The following VPS54 variants were observed in gnomAD, a reference collection of about 807,000 sequenced individuals.
The protein encoded by VPS54 is VPS54 subunit of GARP complex.
VPS54 carries 45 observed loss-of-function variants against 121.5 expected under a neutral mutation model. The ratio of observed to expected loss-of-function variants is 0.37; its 90% CI spans 0.29 to 0.47. The LOEUF (loss-of-function observed/expected upper bound fraction) is 0.47. Ranked by LOEUF, VPS54 falls within the 20% of genes least tolerant of loss-of-function variation. The pLI, the probability that VPS54 is intolerant of heterozygous loss-of-function variation, is 0.99. For missense variants in VPS54, 1,090 were observed against 1,131.4 expected, an observed-to-expected ratio of 0.96 and a Z score of 0.52; for synonymous variants, 371 against 385.8, an observed-to-expected ratio of 0.96 and a Z score of 0.45.
Position 63,981,760 on chromosome 2 carries a change from G to A in VPS54, c.264C>T (p.Asp88=). The change falls in exon 3 of 23, where the codon GAC becomes GAT. Residue 88 remains aspartate (D), a synonymous_variant. Transcript: ENST00000272322. The stretch of plus-strand genomic sequence containing the variant: ...CCAATCCCCATGTTTTTGTGAAGAA[G>A]TCAGATTCTCTTTTTGCTAATCTAG... ...NDPRLAKRES[D]FFTKTWGLDF... 1 of 1,613,738 alleles carries A rather than the reference G, an allele frequency of 6.2e-7. No individual in the cohort carries two copies. Among genetic ancestry groups the A allele is most frequent in the East Asian group, 2.2e-5 (1 of 44,796 alleles).
At chr2:63,963,361 C>T (rs1675854584) in intron 6 of VPS54, among the ~76,000 whole-genome samples, 1 of 151,944 alleles carries the variant, frequency 6.6e-6, no homozygotes, top group South Asian at 2.1e-4. Flanking sequence ...CTTGTTTTGC[C>T]TTTTCTTCCT....
chr2:63,960,563 C>A (rs1455719617), intron 7 of VPS54, among the ~76,000 whole-genome samples: 1 of 152,184 alleles, frequency 6.6e-6, no homozygotes, highest in Non-Finnish European at 1.5e-5. Context: ...GCCAAGGCGG[C>A]ATTCAATCTT....
At chr2:63,922,153 A>T (rs142453121) in intron 12 of VPS54, among the ~76,000 whole-genome samples, 1 of 152,350 alleles carries the variant, frequency 6.6e-6, no homozygotes, top group African/African-American at 2.4e-5. Flanking sequence ...AAACTCAAAG[A>T]GGAGTATTTA....
chr2:64,001,956 CCTTTT>C (rs1392748998), intron 1 of VPS54, among the ~76,000 whole-genome samples: 1 of 152,148 alleles, frequency 6.6e-6, no homozygotes, highest in Non-Finnish European at 1.5e-5. Context: ...GCTTACACTG[CCTTTT>C]ATTTAGGACC....
intron 18 of VPS54, 48 bp downstream of exon 18, chr2:63,913,175 C>T (rs191793589): frequency 8.9e-5 from 128 of 1,433,234 alleles, no homozygotes; most frequent in African/African-American, 8.7e-4. Context: ...AGAACAGTGA[C>T]ATCACTGTTA....
rs199507206 is a variant in VPS54 at position 63,981,856 on chromosome 2, A to G, written c.168T>C (p.Ser56=). ...GDSHSLYVAP[S]LVTDQHRWTV... Reference sequence around the variant, plus strand: ...TCCATCTATGTTGATCTGTAACTAGAGATGGGGCAACATATAAACTATGTG... The same window carrying G: ...TCCATCTATGTTGATCTGTAACTAGGGATGGGGCAACATATAAACTATGTG... Residue 56 remains serine (S), a synonymous_variant, in exon 3 of 23, where the codon TCT becomes TCC. Coordinates refer to ENST00000272322, the MANE Select transcript of VPS54 (RefSeq NM_016516.3). 1 of 1,613,410 alleles carries G rather than the reference A, an allele frequency of 6.2e-7. No individual in the cohort carries two copies. Among genetic ancestry groups the G allele is most frequent in the Admixed American group, 1.7e-5 (1 of 60,010 alleles).
chr2:63,897,430 TAATC>T (rs988392990), intron 22 of VPS54, 62 bp downstream of exon 22: 20 of 1,142,358 alleles, frequency 1.8e-5, no homozygotes, highest in African/African-American at 4.8e-5. Flanking sequence ...ATGGCACAAA[TAATC>T]AAAACTGATC....
At chr2:63,975,209 C>T in intron 3 of VPS54, 1 of 545,546 alleles carries the variant, frequency 1.8e-6, no homozygotes. Context: ...ATAACTGAGA[C>T]AGTGAAAGAG....
At chr2:64,014,815 G>C (rs1023449462) in intron 1 of VPS54, among the ~76,000 whole-genome samples, 5 of 152,126 alleles carry the variant, frequency 3.3e-5, no homozygotes, top group Non-Finnish European at 7.4e-5. Context: ...TGAGAAAACT[G>C]AGGCTCAGAA....
Position 63,893,313 on chromosome 2 carries a change from C to T in VPS54, c.*117G>A. ...ACTTGATACTTTCCTTTTTCCCTTC[C>T]CCCACCCCAGTTCACTTTGGGTTTC... On this transcript the variant is annotated 3_prime_UTR_variant, in exon 23 of 23. Coordinates refer to ENST00000272322, the MANE Select transcript of VPS54 (RefSeq NM_016516.3). 1.1e-6 allele frequency: 1 copy of T among 900,074 alleles called. No homozygotes were observed. The highest frequency in any genetic ancestry group is 1.9e-6 in the Non-Finnish European group (1 of 532,124). 55.8% of individuals were successfully genotyped at this position (900,074 alleles called of 1,614,324 possible).
rs1674893332 is a variant in VPS54 at position 63,944,641 on chromosome 2, TTTA to T, written c.1257_1259del (p.Asn419del). 1 of 1,609,560 alleles carries T rather than the reference TTTA, an allele frequency of 6.2e-7. No homozygotes were observed. The highest frequency in any genetic ancestry group is 1.3e-5 in the African/African-American group (1 of 74,780). On this transcript the variant is annotated inframe_deletion, in exon 10 of 23. Coordinates refer to ENST00000272322, the MANE Select transcript of VPS54 (RefSeq NM_016516.3). ...TGTCTATTTCTTCTGTTTGTGAAACTTTATTAATCACACACTGCAAAATTTAAG... is the reference window on the plus strand; with the variant it reads ...TGTCTATTTCTTCTGTTTGTGAAACTTTAATCACACACTGCAAAATTTAAG...
At position 63,893,138 on chromosome 2, in the gene VPS54, C is replaced by CT; in HGVS notation, c.*291dup. 2.2e-6 allele frequency: 1 copy of CT among 453,756 alleles called. No individual in the cohort carries two copies. Among genetic ancestry groups the CT allele is most frequent in the South Asian group, 2.2e-5 (1 of 46,054 alleles). The allele number at this position is 453,756 out of a possible 1,614,324, so 28.1% of individuals were successfully genotyped here. A position where few individuals can be genotyped will look rare whatever the true frequency, so the allele number is the denominator to read the frequency against. ...CTAGTCAACTACAGCTGTGTTACAG[C>CT]TATGTGTTCTTTTGGATTTGGTCCA... On this transcript the variant is annotated 3_prime_UTR_variant, in exon 23 of 23. Coordinates refer to ENST00000272322, the MANE Select transcript of VPS54 (RefSeq NM_016516.3).
At chr2:63,937,857 G>A (rs1674521353) in intron 11 of VPS54, among the ~76,000 whole-genome samples, 1 of 152,110 alleles carries the variant, frequency 6.6e-6, no homozygotes, top group South Asian at 2.1e-4. Flanking sequence ...CTACAACACA[G>A]ATGGCACCTT....
chr2:63,892,284 A>C lies in VPS54; in HGVS notation c.*1146T>G, dbSNP rs1367614249. On this transcript the variant is annotated 3_prime_UTR_variant, in exon 23 of 23. Coordinates refer to ENST00000272322, the MANE Select transcript of VPS54 (RefSeq NM_016516.3). Reference sequence around the variant, plus strand: ...AAAATAAGACTGTTTCATTATACATAATCACCACAGGATATTAGGCACTCT... The same window carrying C: ...AAAATAAGACTGTTTCATTATACATCATCACCACAGGATATTAGGCACTCT... The C allele has an allele frequency of 6.6e-6, 1 of 152,210 alleles. No homozygotes were observed. Among genetic ancestry groups the C allele is most frequent in the African/African-American group, 2.4e-5 (1 of 41,470 alleles). The allele number at this position is 152,210 out of a possible 1,614,324, so 9.4% of individuals were successfully genotyped here.
Position 63,904,151 on chromosome 2 carries a change from T to A in VPS54, c.2626-4570A>T, listed in dbSNP as rs553099053. 2.6e-3 allele frequency among the ~76,000 whole-genome samples: 398 copies of A among 152,216 alleles called. 1 individual carries two copies. The highest frequency in any genetic ancestry group is 0.01 in the Middle Eastern group (3 of 294). ...GGAACATAACCAGCCATAAAAAGGA[T>A]ATCACAGGCCGGACGTGGTGGCTCA... On this transcript the variant is annotated intron_variant, in intron 20 of 22. Coordinates refer to ENST00000272322, the MANE Select transcript of VPS54 (RefSeq NM_016516.3).
At chr2:64,003,948 A>G (rs982812901) in intron 1 of VPS54, among the ~76,000 whole-genome samples, 1 of 152,170 alleles carries the variant, frequency 6.6e-6, no homozygotes, top group Admixed American at 6.5e-5. Context: ...CTTTGAAAGA[A>G]TATGTAACTC....
chr2:63,928,713 G>A (rs1674037510), intron 12 of VPS54, among the ~76,000 whole-genome samples: 1 of 151,748 alleles, frequency 6.6e-6, no homozygotes, highest in African/African-American at 2.4e-5. Flanking sequence ...ACACAGACTG[G>A]CAAACTGGAT....
intron 7 of VPS54, among the ~76,000 whole-genome samples, chr2:63,951,423 A>G (rs1311589386): frequency 5.3e-5 from 8 of 152,138 alleles, no homozygotes; most frequent in Admixed American, 2.6e-4. Context: ...TGCAAAAACT[A>G]TAAGAGATCA....
chr2:63,949,427 A>G (rs1675136568), intron 7 of VPS54, among the ~76,000 whole-genome samples: 1 of 152,214 alleles, frequency 6.6e-6, no homozygotes, highest in African/African-American at 2.4e-5. Context: ...AAATCTGTGT[A>G]TAACTTTTGA....
Sources: gnomAD v4.1 joint callset for allele counts (sites outside exome capture counted in the v4.1 genomes callset) on GRCh38, gnomAD v4.1.1 for gene constraint, MANE v1.5 for transcripts, NCBI Gene and HGNC (gene_info 2026-07-23, HGNC 2026-07-21) for gene names.